IQCE: variants seen among roughly 807,000 people sequenced by gnomAD.
IQCE encodes the protein IQ motif containing E, also known as IQ domain-containing protein E.
Under a neutral mutation model 96.0 loss-of-function variants are expected in IQCE, and 115 were observed. The ratio of observed to expected loss-of-function variants is 1.20; its 90% CI spans 1.03 to 1.40. The LOEUF is 1.40. IQCE is among the 40% of genes most tolerant of loss of function. The pLI, the probability that IQCE is intolerant of heterozygous loss-of-function variation, is 0.00. For synonymous variants in IQCE, 412 were observed against 371.2 expected (o/e 1.11, Z -1.26); for missense variants, 1,041 against 909.1 (o/e 1.15, Z -1.87).
At chr7:2,603,499 C>G (rs1784578748) in intron 18 of IQCE, among the ~76,000 whole-genome samples, 1 of 152,174 alleles carries the variant, frequency 6.6e-6, no homozygotes, top group Admixed American at 6.5e-5. Context: ...CCCCATGCCT[C>G]AGGGGCCTCG....
chr7:2,583,096 G>A (rs917538292), intron 9 of IQCE, among the ~76,000 whole-genome samples: 6 of 152,070 alleles, frequency 3.9e-5, no homozygotes, highest in Non-Finnish European at 8.8e-5. Flanking sequence ...TTCCCCCCTC[G>A]TTTCCTGCCG....
intron 9 of IQCE, among the ~76,000 whole-genome samples, chr7:2,583,239 T>C (rs1782816540): frequency 6.6e-6 from 1 of 152,226 alleles, no homozygotes; most frequent in Non-Finnish European, 1.5e-5. Context: ...GGCCTGACAG[T>C]GCCAGGGAAA....
chr7:2,587,947 G>A (rs1783254977), intron 13 of IQCE, 70 bp downstream of exon 13: 1 of 1,076,742 alleles, frequency 9.3e-7, no homozygotes, highest in South Asian at 1.3e-5. Context: ...GGGCTCACAG[G>A]GTGCGGAAGG....
In IQCE at chr7:2,578,514, C is replaced by T. The variant is rs199860795; in HGVS notation, c.618C>T (p.Pro206=). The change falls in exon 8 of 22, where the codon CCC becomes CCT. Residue 206 remains proline, a synonymous_variant. Coordinates refer to ENST00000402050, the MANE Select transcript of IQCE (RefSeq NM_152558.5). The stretch of plus-strand genomic sequence containing the variant: ...TTCGGACTCTGGCAGAGAAAAGGCC[C>T]GATGCCAGTTGGGTGAGTATGGTGT... ...DFVRTLAEKR[P]DASWVINGLK... 130 of 1,614,158 alleles carry T rather than the reference C, an allele frequency of 8.1e-5. No homozygotes were observed. The highest frequency in any genetic ancestry group is 5.4e-4 in the South Asian group (49 of 91,080).
intron 16 of IQCE, among the ~76,000 whole-genome samples, chr7:2,597,476 A>C (rs930736280): frequency 6.6e-5 from 10 of 152,256 alleles, no homozygotes; most frequent in African/African-American, 2.4e-4. Flanking sequence ...AAGTCTGTGG[A>C]CAGGCCACCT....
At position 2,573,427 on chromosome 7, in the gene IQCE, CT is replaced by C. The variant is rs1163869600; in HGVS notation, c.405del (p.Thr137LeufsTer17). 2 of 1,475,950 alleles carry C rather than the reference CT, an allele frequency of 1.4e-6. No individual in the cohort carries two copies. Among genetic ancestry groups the C allele is most frequent in the Non-Finnish European group, 1.9e-6 (2 of 1,054,862 alleles). The allele number at this position is 1,475,950 out of a possible 1,614,324, so 91.4% of individuals were successfully genotyped here. On this transcript the variant is annotated frameshift_variant, in exon 6 of 22. Transcript: ENST00000402050. LOFTEE classifies it high-confidence loss of function. The part of the protein sequence containing the change: ...LRRSASNGHV[P>X]GTPVYREKED... ...GTTTATGTTTCTCTAGGTCATGTCC[CT>C]GGGACTCCTGTCTACAGAGAAAAAG... is the stretch of plus-strand genomic sequence containing the variant.
At chr7:2,560,040 G>T (rs1780824899) in intron 1 of IQCE, among the ~76,000 whole-genome samples, 1 of 152,092 alleles carries the variant, frequency 6.6e-6, no homozygotes. Flanking sequence ...CCTGCCTGTA[G>T]TCCCAACTAC....
chr7:2,584,136 G>T (rs1782914273), intron 10 of IQCE, 100 bp from the exon 11 acceptor site: 2 of 1,042,114 alleles, frequency 1.9e-6, no homozygotes, highest in South Asian at 2.5e-5. Flanking sequence ...TCCCGCTTCT[G>T]GCCGTAGGCA....
chr7:2,562,560 T>C (rs1475367458), intron 1 of IQCE, among the ~76,000 whole-genome samples: 4 of 151,992 alleles, frequency 2.6e-5, no homozygotes, highest in African/African-American at 9.6e-5. Context: ...TCTGGGTGTT[T>C]CTTTACTTCT....
intron 16 of IQCE, among the ~76,000 whole-genome samples, chr7:2,597,349 A>G (rs944641996): frequency 6.6e-6 from 1 of 152,258 alleles, no homozygotes; most frequent in Admixed American, 6.5e-5. Context: ...GCCCGAAGGC[A>G]GGCCCTTCAC....
chr7:2,591,611 G>A (rs2917731), intron 14 of IQCE, among the ~76,000 whole-genome samples: 116,792 of 150,014 alleles, frequency 0.78, 45,979 homozygotes, highest in African/African-American at 0.88. Context: ...TGGGATCTGC[G>A]GGTGATTTTT....
intron 3 of IQCE, among the ~76,000 whole-genome samples, chr7:2,570,032 G>A (rs910797706): frequency 5.3e-5 from 8 of 152,082 alleles, no homozygotes; most frequent in Non-Finnish European, 8.8e-5. Flanking sequence ...GTTTTTCTCC[G>A]GGTTTCTAGT....
At chr7:2,587,465 T>C (rs970338116) in intron 12 of IQCE, among the ~76,000 whole-genome samples, 15 of 151,934 alleles carry the variant, frequency 9.9e-5, no homozygotes, top group Non-Finnish European at 2.1e-4. Context: ...CGAGGGGCTG[T>C]GCATGCCAGG....
At position 2,586,273 on chromosome 7, in the gene IQCE, T is replaced by C; in HGVS notation, c.890T>C (p.Leu297Ser). The C allele has an allele frequency of 6.2e-7, 1 of 1,609,264 alleles. No individual in the cohort carries two copies. Among genetic ancestry groups the C allele is most frequent in the East Asian group, 2.2e-5 (1 of 44,876 alleles). Residue 297 changes from leucine (L) to serine (S), a missense_variant, in exon 12 of 22, where the codon TTG (leucine) becomes TCG (serine). Leu to Ser is a moderately radical substitution (Grantham distance 145, BLOSUM62 -2). Coordinates refer to ENST00000402050, the MANE Select transcript of IQCE (RefSeq NM_152558.5). ...QKKMGSALLS[L>S]SRSVQELTEE... is the part of the protein sequence containing the mutation. Reference sequence around the variant, plus strand: ...AAGATGGGCAGTGCCCTCCTGAGCTTGTCCCGGAGTGTCCAGGAGCTCACG... The same window carrying C: ...AAGATGGGCAGTGCCCTCCTGAGCTCGTCCCGGAGTGTCCAGGAGCTCACG...
In IQCE at chr7:2,611,129, T is replaced by TGGGCCGGGCCGGGCCGGGCCGGGCC. The variant is rs201062680; in HGVS notation, c.*971_*972insCGGGCCGGGCCGGGCCGGGCCGGGC. ...GCTCCATGGCTGGGCTGGGCTGGGC[T>TGGGCCGGGCCGGGCCGGGCCGGGCC]GGGCTGGGCTGGGCCGGGCGTGCGG... On this transcript the variant is annotated 3_prime_UTR_variant, in exon 22 of 22. Transcript: ENST00000402050. 9.7e-5 allele frequency: 12 copies of TGGGCCGGGCCGGGCCGGGCCGGGCC among 123,574 alleles called. No homozygotes were observed. The highest frequency in any genetic ancestry group is 4.1e-4 in the African/African-American group (12 of 29,570). 7.7% of individuals were successfully genotyped at this position (123,574 alleles called of 1,614,324 possible).
Position 2,572,282 on chromosome 7 carries a change from C to A in IQCE, c.350C>A (p.Thr117Asn), listed in dbSNP as rs1448451197. 1.2e-6 allele frequency: 2 copies of A among 1,614,106 alleles called. No homozygotes were observed. Among genetic ancestry groups the A allele is most frequent in the Non-Finnish European group, 1.7e-6 (2 of 1,180,032 alleles). The change falls in exon 5 of 22, where the codon ACC becomes AAC. Residue 117 changes from threonine to asparagine, a missense_variant. Thr to Asn is a moderately conservative substitution (Grantham distance 65, BLOSUM62 0). Coordinates refer to ENST00000402050, the MANE Select transcript of IQCE (RefSeq NM_152558.5). ...GGCACTCCTGACTGTCTGACAGACA[C>A]CTTCAGAGTGAAGAGGCCACATCTC... ...PGGTPDCLTD[T>N]FRVKRPHLRR...
At chr7:2,585,168 T>C (rs1783000636) in intron 11 of IQCE, among the ~76,000 whole-genome samples, 1 of 152,034 alleles carries the variant, frequency 6.6e-6, no homozygotes, top group African/African-American at 2.4e-5. Context: ...CCCAAGTATC[T>C]GGGACTGTAC....
chr7:2,564,518 T>A (rs1440457749), intron 1 of IQCE, among the ~76,000 whole-genome samples: 1 of 151,382 alleles, frequency 6.6e-6, no homozygotes, highest in Non-Finnish European at 1.5e-5. Flanking sequence ...GAATCGCTTG[T>A]ACCCGGGAGG....
rs544962430 is a variant in IQCE at position 2,601,527 on chromosome 7, G to A, written c.1632+63G>A. On this transcript the variant is annotated intron_variant, in intron 18 of 21. Coordinates refer to ENST00000402050, the MANE Select transcript of IQCE (RefSeq NM_152558.5). ...TGTATTTTGTTGAAAAGTAGGTGAG[G>A]GGATATTTAAAGATGTGTTGATTCC... 1.4e-4 allele frequency: 163 copies of A among 1,172,028 alleles called. 1 individual carries two copies. Among genetic ancestry groups the A allele is most frequent in the Middle Eastern group, 1.1e-3 (4 of 3,716 alleles). The allele number at this position is 1,172,028 out of a possible 1,614,324, so 72.6% of individuals were successfully genotyped here.
Sources: gnomAD v4.1 joint callset for allele counts (sites outside exome capture counted in the v4.1 genomes callset) on GRCh38, gnomAD v4.1.1 for gene constraint, MANE v1.5 for transcripts, NCBI Gene and HGNC (gene_info 2026-07-23, HGNC 2026-07-21) for gene names.